The following KANK2 variants were observed in gnomAD, a reference collection of about 807,000 sequenced individuals.
The protein encoded by KANK2 is KN motif and ankyrin repeat domain-containing protein 2.
Under a neutral mutation model 74.6 loss-of-function variants are expected in KANK2, and 41 were observed. That is an observed-to-expected ratio of 0.55 (90% CI 0.43 to 0.71). The LOEUF is 0.71. Ranked by LOEUF, KANK2 falls within the 30% of genes least tolerant of loss-of-function variation. The probability of loss-of-function intolerance (pLI) is 0.00; values close to 1 mark genes in which losing one functional copy is unlikely to be tolerated. For missense variants in KANK2, 1,148 were observed against 1,196.4 expected (o/e 0.96, Z 0.60); for synonymous variants, 537 against 519.0 (o/e 1.03, Z -0.47).
In KANK2 at chr19:11,193,041, C is replaced by T. The variant is rs147307664; in HGVS notation, c.1039G>A (p.Ala347Thr). Residue 347 changes from alanine (A) to threonine (T), a missense_variant, in exon 4 of 13, where the codon GCT becomes ACT. By Grantham distance (58) the Ala-to-Thr change is moderately conservative. Coordinates refer to ENST00000586659, the MANE Select transcript of KANK2 (RefSeq NM_001136191.3). The surrounding 1 kb of genome is among the most constrained non-coding windows in gnomAD (Gnocchi z 9.6). ...REVEVVASTA[A>T]GAPAQRAQSL... ...TGGGCCCGCTGTGCGGGGGCGCCAG[C>T]GGCTGTGCTGGCCACCACCTCCACC... 4.0e-5 allele frequency: 64 copies of T among 1,611,520 alleles called. No individual in the cohort carries two copies. Among genetic ancestry groups the T allele is most frequent in the East Asian group, 2.2e-4 (10 of 44,814 alleles).
In KANK2 at chr19:11,193,718, T is replaced by C. The variant is rs754984948; in HGVS notation, c.362A>G (p.Asn121Ser). The C allele has an allele frequency of 2.5e-5, 40 of 1,612,024 alleles. No individual in the cohort carries two copies. The highest frequency in any genetic ancestry group is 4.0e-5 in the African/African-American group (3 of 74,888). Residue 121 changes from asparagine (N) to serine (S), a missense_variant, in exon 4 of 13, where the codon AAT (asparagine) becomes AGT (serine). Asn to Ser is a conservative substitution (Grantham distance 46). Transcript: ENST00000586659. This position sits in a 1 kb window ranked among gnomAD's most constrained non-coding sequence, Gnocchi z 9.6. ...CAGCAGCGTGCGCTCCACCCGCGGATTGAAGCCACCGCGGGTCTCCAGAGC... is the reference window on the plus strand; with the variant it reads ...CAGCAGCGTGCGCTCCACCCGCGGACTGAAGCCACCGCGGGTCTCCAGAGC... The part of the protein sequence containing the change: ...YGALETRGGF[N>S]PRVERTLLDA...
intron 12 of KANK2, among the ~76,000 whole-genome samples, chr19:11,168,977 G>A (rs1194850966): frequency 6.6e-6 from 1 of 152,206 alleles, no homozygotes; most frequent in African/African-American, 2.4e-5. Flanking sequence ...AGAAGAGGAA[G>A]CATGGCTTAA....
intron 12 of KANK2, 145 bp from the exon 13 acceptor site, chr19:11,166,756 A>G (rs2078033679): frequency 1.4e-6 from 1 of 708,158 alleles, no homozygotes; most frequent in African/African-American, 1.8e-5. Context: ...ATCTGGGGGC[A>G]CCGCCTTGAA....
Position 11,193,065 on chromosome 19 carries a change from C to A in KANK2, c.1015G>T (p.Val339Leu). 3 of 1,610,428 alleles carry A rather than the reference C, an allele frequency of 1.9e-6. No homozygotes were observed. Among genetic ancestry groups the A allele is most frequent in the Non-Finnish European group, 2.5e-6 (3 of 1,178,536 alleles). ...TVRVVEGPRE[V>L]EVVASTAAGA... ...GCGGCTGTGCTGGCCACCACCTCCA[C>A]CTCCCGTGGCCCTTCTACCACCCGG... The change falls in exon 4 of 13, where the codon GTG becomes TTG. Residue 339 changes from valine (V) to leucine (L), a missense_variant. Transcript: ENST00000586659. The surrounding 1 kb of genome is among the most constrained non-coding windows in gnomAD (Gnocchi z 9.6).
Position 11,170,540 on chromosome 19 carries a change from T to C in KANK2, c.2212-292A>G, listed in dbSNP as rs2078146513. 2.0e-6 allele frequency: 1 copy of C among 497,236 alleles called. No homozygotes were observed. The highest frequency in any genetic ancestry group is 3.6e-6 in the Non-Finnish European group (1 of 274,526). 30.8% of individuals were successfully genotyped at this position (497,236 alleles called of 1,614,324 possible). A position where few individuals can be genotyped will look rare whatever the true frequency, so the allele number is the denominator to read the frequency against. On this transcript the variant is annotated intron_variant, in intron 10 of 12. Coordinates refer to ENST00000586659, the MANE Select transcript of KANK2 (RefSeq NM_001136191.3). This position sits in a 1 kb window ranked among gnomAD's most constrained non-coding sequence, Gnocchi z 5.2. ...AACGTTCTGGAACTAGACGGAGGTG[T>C]TGGTTGCACAACAGGGTGAATGTAT...
At chr19:11,171,975 A>AT (rs1359232623) in intron 10 of KANK2, among the ~76,000 whole-genome samples, 4,060 of 115,170 alleles carry the variant, frequency 0.035, 187 homozygotes, top group East Asian at 0.13. Flanking sequence ...CACCCGGCTA[A>AT]TTTTTTTTTT....
At position 11,173,050 on chromosome 19, in the gene KANK2, C is replaced by G. The variant is rs1337123698; in HGVS notation, c.2142G>C (p.Lys714Asn). ...PIMLTALATL[K>N]TQDDIETVLQ... ...GGACAGTCTCGATGTCGTCCTGGGTCTTCAGGGTGGCCAGGGCGGTGAGCA... is the reference window on the plus strand; with the variant it reads ...GGACAGTCTCGATGTCGTCCTGGGTGTTCAGGGTGGCCAGGGCGGTGAGCA... Residue 714 changes from lysine to asparagine, a missense_variant, in exon 10 of 13, where the codon AAG (lysine) becomes AAC (asparagine). Coordinates refer to ENST00000586659, the MANE Select transcript of KANK2 (RefSeq NM_001136191.3). The G allele has an allele frequency of 1.2e-6, 2 of 1,614,004 alleles. No individual in the cohort carries two copies. Among genetic ancestry groups the G allele is most frequent in the African/African-American group, 1.3e-5 (1 of 74,898 alleles).
Position 11,166,490 on chromosome 19 carries a change from G to C in KANK2, c.*68C>G, listed in dbSNP as rs2078024984. 6.9e-7 allele frequency: 1 copy of C among 1,451,714 alleles called. No homozygotes were observed. The allele number at this position is 1,451,714 out of a possible 1,614,324, so 89.9% of individuals were successfully genotyped here. On this transcript the variant is annotated 3_prime_UTR_variant, in exon 13 of 13. Coordinates refer to ENST00000586659, the MANE Select transcript of KANK2 (RefSeq NM_001136191.3). ...AGTGGGGTGGGCCAGGGAGGAACGG[G>C]AACAGGGAGGAGACGGGGACAAGGG...
At chr19:11,172,884 C>T in intron 10 of KANK2, 97 bp downstream of exon 10, 2 of 1,339,990 alleles carry the variant, frequency 1.5e-6, no homozygotes, top group South Asian at 2.6e-5. Flanking sequence ...GAGCAGGGCT[C>T]TGGAGTTAGA....
intron 12 of KANK2, chr19:11,169,629 C>T (rs1364270096): frequency 1.6e-5 from 9 of 579,596 alleles, no homozygotes; most frequent in South Asian, 4.3e-5. Context: ...GGTGAAACCC[C>T]GTCTCTACTA....
intron 4 of KANK2, chr19:11,192,431 CTTT>C (rs34285924): frequency 4.1e-3 from 652 of 158,946 alleles, no homozygotes; most frequent in South Asian, 9.1e-3. Context: ...CCTTGGCATT[CTTT>C]TTTTTTTTTT....
At chr19:11,181,267 G>T (rs890168082) in intron 4 of KANK2, among the ~76,000 whole-genome samples, 2 of 146,630 alleles carry the variant, frequency 1.4e-5, no homozygotes, top group Non-Finnish European at 1.5e-5. Context: ...ATTATTATTT[G>T]ATACAGTCTT....
In KANK2 at chr19:11,178,579, T is replaced by C; in HGVS notation, c.1391A>G (p.Gln464Arg). 1 of 1,604,712 alleles carries C rather than the reference T, an allele frequency of 6.2e-7. No homozygotes were observed. Among genetic ancestry groups the C allele is most frequent in the Non-Finnish European group, 8.5e-7 (1 of 1,176,318 alleles). The change falls in exon 5 of 13, where the codon CAA becomes CGA. Residue 464 changes from glutamine (Q) to arginine (R), a missense_variant. Coordinates refer to ENST00000586659, the MANE Select transcript of KANK2 (RefSeq NM_001136191.3). Reference protein sequence around the residue: ...HREPTRQAASQESEEAGGTGG... With the variant: ...HREPTRQAASRESEEAGGTGG... Reference sequence around the variant, plus strand: ...GGTGCCCCCGGCCTCCTCGGACTCTTGGGAGGCTGCTTGCCTGGTGGGCTC... The same window carrying C: ...GGTGCCCCCGGCCTCCTCGGACTCTCGGGAGGCTGCTTGCCTGGTGGGCTC...
At chr19:11,181,113 A>AAAAG (rs1347678650) in intron 4 of KANK2, among the ~76,000 whole-genome samples, 3,733 of 98,268 alleles carry the variant, frequency 0.038, 746 homozygotes, top group East Asian at 0.11. Context: ...AAAAAAAAAA[A>AAAAG]AAATTCTGGG....
At chr19:11,169,786 G>C in intron 12 of KANK2, 91 bp downstream of exon 12, 4 of 1,103,458 alleles carry the variant, frequency 3.6e-6, no homozygotes, top group Non-Finnish European at 5.4e-6. Context: ...GGGCGACAGA[G>C]TGAGACTCTG....
At chr19:11,173,190 A>G in intron 9 of KANK2, 67 bp from the exon 10 acceptor site, 1 of 1,521,782 alleles carries the variant, frequency 6.6e-7, no homozygotes, top group Non-Finnish European at 9.0e-7. Context: ...AGGAACGTGG[A>G]TACCACGTCT....
Position 11,167,088 on chromosome 19 carries a change from A to G in KANK2, c.2503-477T>C, listed in dbSNP as rs548485944. 2.4e-4 allele frequency among the ~76,000 whole-genome samples: 36 copies of G among 152,184 alleles called. 1 individual carries two copies. In the South Asian group the frequency reaches 7.3e-3, roughly 31 times the overall value. On this transcript the variant is annotated intron_variant, in intron 12 of 12. Transcript: ENST00000586659. ...CTTTTTCTTTTCTTTTTTTTGAGAC[A>G]GAGTTTCACTCTTGTTGCCTAGGCT...
At chr19:11,183,243 G>T (rs772778964) in intron 4 of KANK2, among the ~76,000 whole-genome samples, 10 of 152,182 alleles carry the variant, frequency 6.6e-5, no homozygotes, top group Admixed American at 2.0e-4. Flanking sequence ...GAGAAGACAG[G>T]CTCCAATCTC....
chr19:11,193,631 G>C lies in KANK2; in HGVS notation c.449C>G (p.Pro150Arg), dbSNP rs759232148. 1 of 1,592,872 alleles carries C rather than the reference G, an allele frequency of 6.3e-7. No individual in the cohort carries two copies. Among genetic ancestry groups the C allele is most frequent in the Non-Finnish European group, 8.5e-7 (1 of 1,170,124 alleles). ...GGAGGCTGTCGAGCCGGCCGCACTG[G>C]GGGTCAGGGAGCCCAGGCCGGTGGG... ...ATPTGLGSLT[P>R]SAAGSTASLV... The change falls in exon 4 of 13, where the codon CCC (proline) becomes CGC (arginine). Residue 150 changes from proline to arginine, a missense_variant. Transcript: ENST00000586659. This position sits in a 1 kb window ranked among gnomAD's most constrained non-coding sequence, Gnocchi z 9.6.
Sources: allele counts gnomAD v4.1 joint callset (sites outside exome capture counted in the v4.1 genomes callset), GRCh38; gene constraint gnomAD v4.1.1; non-coding constraint Gnocchi (gnomAD v3.1); transcripts MANE v1.5; gene names NCBI Gene and HGNC (gene_info 2026-07-23, HGNC 2026-07-21).